MCF2L2: variants seen among roughly 807,000 people sequenced by gnomAD.
MCF2L2 encodes MCF.2 cell line derived transforming sequence-like 2.
MCF2L2 carries 102 observed loss-of-function variants against 150.2 expected under a neutral mutation model. That is an observed-to-expected ratio of 0.68 (90% CI 0.58 to 0.80). The LOEUF (loss-of-function observed/expected upper bound fraction) is 0.80. Among genes scored for constraint, MCF2L2 ranks in the 30% least tolerant of loss-of-function variants. MCF2L2 has a pLI of 0.00. For missense variants in MCF2L2, 1,256 were observed against 1,372.8 expected, an observed-to-expected ratio of 0.91 and a Z score of 1.34; for synonymous variants, 465 against 491.3, an observed-to-expected ratio of 0.95 and a Z score of 0.71.
At chr3:183,248,994 G>T (rs1395804747) in intron 15 of MCF2L2, among the ~76,000 whole-genome samples, 1 of 152,204 alleles carries the variant, frequency 6.6e-6, no homozygotes, top group Non-Finnish European at 1.5e-5. Context: ...TCCAGGGGCT[G>T]TAATTGTCTT....
At chr3:183,416,160 C>T (rs1715576979) in intron 1 of MCF2L2, among the ~76,000 whole-genome samples, 1 of 152,138 alleles carries the variant, frequency 6.6e-6, no homozygotes, top group African/African-American at 2.4e-5. Flanking sequence ...CTTCTTCCCA[C>T]TTTGCTGCTA....
intron 15 of MCF2L2, among the ~76,000 whole-genome samples, chr3:183,232,578 T>C (rs1723609339): frequency 6.6e-6 from 1 of 152,184 alleles, no homozygotes; most frequent in African/African-American, 2.4e-5. Flanking sequence ...TCTTGTTAAC[T>C]ATTGATGGAT....
intron 3 of MCF2L2, among the ~76,000 whole-genome samples, chr3:183,363,626 G>A (rs1407475160): frequency 6.6e-6 from 1 of 152,178 alleles, no homozygotes; most frequent in Non-Finnish European, 1.5e-5. Flanking sequence ...TGTAGACCCA[G>A]CTACTCAGGA....
intron 14 of MCF2L2, among the ~76,000 whole-genome samples, chr3:183,285,090 A>G (rs564999012): frequency 6.6e-6 from 1 of 152,358 alleles, no homozygotes; most frequent in South Asian, 2.1e-4. Context: ...AGTAAGGTAC[A>G]TATTCAACAA....
At chr3:183,310,686 T>C (rs1729332429) in intron 9 of MCF2L2, 1 of 494,208 alleles carries the variant, frequency 2.0e-6, no homozygotes, top group Non-Finnish European at 3.6e-6. Context: ...AGATAAACCA[T>C]CACTGAAATG....
intron 3 of MCF2L2, among the ~76,000 whole-genome samples, chr3:183,365,283 AAC>A (rs1267442618): frequency 4.6e-5 from 7 of 152,226 alleles, no homozygotes; most frequent in Non-Finnish European, 7.3e-5. Flanking sequence ...TTATAAATTT[AAC>A]ACAGTCCCAA....
At chr3:183,395,981 C>G (rs1189625221) in intron 1 of MCF2L2, among the ~76,000 whole-genome samples, 2 of 150,846 alleles carry the variant, frequency 1.3e-5, no homozygotes, top group African/African-American at 4.9e-5. Flanking sequence ...TCCCCTCCCC[C>G]CACCTCCAGA....
intron 25 of MCF2L2, 135 bp downstream of exon 25, chr3:183,205,741 C>A (rs1466367440): frequency 1.5e-6 from 1 of 663,746 alleles, no homozygotes; most frequent in Non-Finnish European, 2.7e-6. Flanking sequence ...TAGGTGCTTC[C>A]AGGGACTGTG....
intron 3 of MCF2L2, among the ~76,000 whole-genome samples, chr3:183,344,516 A>G (rs1191554298): frequency 5.9e-5 from 9 of 152,356 alleles, no homozygotes; most frequent in South Asian, 2.1e-4. Flanking sequence ...AAACTGCATC[A>G]ACTAATGTGC....
chr3:183,343,107 A>AGGTTCAGC (rs1375733038), intron 3 of MCF2L2, among the ~76,000 whole-genome samples: 20 of 152,232 alleles, frequency 1.3e-4, no homozygotes, highest in Non-Finnish European at 2.5e-4. Context: ...GAAGAAATAT[A>AGGTTCAGC]GGTTCAGCTG....
chr3:183,411,395 T>C (rs2108622342), intron 1 of MCF2L2, among the ~76,000 whole-genome samples: 1 of 152,266 alleles, frequency 6.6e-6, no homozygotes, highest in East Asian at 1.9e-4. Context: ...AGCTGGTCCA[T>C]GGTGCCAGAT....
chr3:183,220,216 T>C (rs1196476366), intron 20 of MCF2L2, among the ~76,000 whole-genome samples: 1 of 152,212 alleles, frequency 6.6e-6, no homozygotes, highest in African/African-American at 2.4e-5. Context: ...GCTTTGATTG[T>C]GGTAGAGTGT....
intron 1 of MCF2L2, among the ~76,000 whole-genome samples, chr3:183,419,605 G>A (rs574815059): frequency 6.6e-6 from 1 of 152,302 alleles, no homozygotes; most frequent in East Asian, 1.9e-4. Flanking sequence ...GGGCACAGTG[G>A]CTCATGCCTG....
intron 27 of MCF2L2, among the ~76,000 whole-genome samples, chr3:183,188,336 G>T (rs926891797): frequency 1.3e-5 from 2 of 152,202 alleles, no homozygotes; most frequent in African/African-American, 4.8e-5. Flanking sequence ...TGAGGTTAAA[G>T]TTGGAGACAT....
chr3:183,273,017 G>A, intron 15 of MCF2L2: 1 of 1,486,538 alleles, frequency 6.7e-7, no homozygotes, highest in Non-Finnish European at 8.9e-7. Flanking sequence ...GAAGGAAGTT[G>A]CTAGATGATT....
chr3:183,352,985 C>T (rs149509957), intron 3 of MCF2L2, among the ~76,000 whole-genome samples: 9 of 152,160 alleles, frequency 5.9e-5, no homozygotes, highest in African/African-American at 1.9e-4. Flanking sequence ...ATATGTTATC[C>T]GCTTCGAGGT....
chr3:183,360,851 C>A (rs1180784844), intron 3 of MCF2L2, among the ~76,000 whole-genome samples: 1 of 151,684 alleles, frequency 6.6e-6, no homozygotes, highest in African/African-American at 2.4e-5. Flanking sequence ...TGCTTATAAT[C>A]CCAGCTACTC....
chr3:183,413,633 C>G (rs182388183), intron 1 of MCF2L2, among the ~76,000 whole-genome samples: 24 of 152,344 alleles, frequency 1.6e-4, no homozygotes, highest in Admixed American at 1.6e-3. Flanking sequence ...CAACTCAGCT[C>G]CCTGACCCTG....
chr3:183,291,333 T>G (rs934418299), intron 13 of MCF2L2, among the ~76,000 whole-genome samples: 1 of 152,236 alleles, frequency 6.6e-6, no homozygotes, highest in African/African-American at 2.4e-5. Context: ...TACAGTCACC[T>G]CTGTACCTTA....
Sources: allele counts gnomAD v4.1 joint callset (sites outside exome capture counted in the v4.1 genomes callset), GRCh38; gene constraint gnomAD v4.1.1; transcripts MANE v1.5; gene names NCBI Gene and HGNC (gene_info 2026-07-23, HGNC 2026-07-21).